The following HNRNPUL1 variants were observed in gnomAD, a reference collection of about 807,000 sequenced individuals.
HNRNPUL1 encodes heterogeneous nuclear ribonucleoprotein U like 1, also known as heterogeneous nuclear ribonucleoprotein U-like protein 1.
HNRNPUL1 carries 14 observed loss-of-function variants against 108.5 expected under a neutral mutation model. That is an observed-to-expected ratio of 0.13 (90% CI 0.09 to 0.20). The LOEUF (loss-of-function observed/expected upper bound fraction) is 0.20, where lower values mean the gene tolerates loss of function less well. Among genes scored for constraint, HNRNPUL1 ranks in the 10% least tolerant of loss-of-function variants. The pLI, the probability that HNRNPUL1 is intolerant of heterozygous loss-of-function variation, is 1.00. For missense variants in HNRNPUL1, 804 were observed against 1,168.3 expected (o/e 0.69, Z 4.55); for synonymous variants, 422 against 445.2 (o/e 0.95, Z 0.66).
At chr19:41,301,888 T>TA in intron 11 of HNRNPUL1, 184 bp downstream of exon 11, 3 of 604,760 alleles carry the variant, frequency 5.0e-6, no homozygotes, top group Non-Finnish European at 8.3e-6. Context: ...CCATCTGTCT[T>TA]ATGTTGGGGT....
chr19:41,280,454 T>G (rs1257725444), intron 6 of HNRNPUL1, among the ~76,000 whole-genome samples: 1 of 152,116 alleles, frequency 6.6e-6, no homozygotes, highest in Admixed American at 6.5e-5. Context: ...GACTCATAAG[T>G]CATCTCATCT....
chr19:41,280,117 TTAAAAA>T (rs1412981287), intron 6 of HNRNPUL1, among the ~76,000 whole-genome samples: 1 of 152,194 alleles, frequency 6.6e-6, no homozygotes, highest in Non-Finnish European at 1.5e-5. Context: ...AGACTAATCT[TTAAAAA>T]TAGATGATAT....
In HNRNPUL1 at chr19:41,286,078, T is replaced by C. The variant is rs2036204904; in HGVS notation, c.999+4803T>C. Among the ~76,000 whole-genome samples, 3 of 150,946 alleles carry C rather than the reference T, an allele frequency of 2.0e-5. No homozygotes were observed. The South Asian group carries it at 6.3e-4, about 32-fold the overall frequency. ...GTCCCAGCTACTCAGGAGACTGAGG[T>C]GAGAAAAAAAAAAAATTAATAGCCT... On this transcript the variant is annotated intron_variant, in intron 7 of 14. Coordinates refer to ENST00000392006, the MANE Select transcript of HNRNPUL1 (RefSeq NM_007040.6).
chr19:41,291,095 T>C (rs532597037), intron 7 of HNRNPUL1, among the ~76,000 whole-genome samples: 1 of 152,132 alleles, frequency 6.6e-6, no homozygotes, highest in Non-Finnish European at 1.5e-5. Flanking sequence ...ATTCAATAAG[T>C]AGTTGTTACA....
chr19:41,276,034 C>T (rs527912083), intron 4 of HNRNPUL1, 125 bp from the exon 5 acceptor site: 315 of 1,177,598 alleles, frequency 2.7e-4, no homozygotes, highest in Admixed American at 7.2e-4. Flanking sequence ...ACCCGGGAGG[C>T]GGAGGTTGCG....
rs767159140 is a variant in HNRNPUL1, at chr19:41,302,812, G to A, written c.1835G>A (p.Arg612Gln). ...CCCCCTGAAAAGCGCTTTGACAACC[G>A]AGGTGGTGGTGGCTTCCGGGGCCGC... ...GPPPEKRFDNRGGGGFRGRGG... is the reference protein window; with the variant it reads ...GPPPEKRFDNQGGGGFRGRGG... Residue 612 changes from arginine (R) to glutamine (Q), a missense_variant, in exon 12 of 15, where the codon CGA becomes CAA. This residue lies in a region of HNRNPUL1 where 294 missense variants were observed against 388.3 expected (regional missense o/e 0.76). Transcript: ENST00000392006. 19 of 1,606,566 alleles carry A rather than the reference G, an allele frequency of 1.2e-5. No homozygotes were observed. Among genetic ancestry groups the A allele is most frequent in the Admixed American group, 1.7e-5 (1 of 59,628 alleles).
chr19:41,307,293 CTT>C lies in HNRNPUL1; in HGVS notation c.*730_*731del, dbSNP rs959720772. ...TATACGATGCCCCAGTTCCCCATAA[CTT>C]TGCACACAAGCTTCTGTGTTCAGTT... On this transcript the variant is annotated 3_prime_UTR_variant, in exon 15 of 15. Coordinates refer to ENST00000392006, the MANE Select transcript of HNRNPUL1 (RefSeq NM_007040.6). The C allele has an allele frequency of 3.9e-5, 6 of 152,642 alleles. No individual in the cohort carries two copies. Among genetic ancestry groups the C allele is most frequent in the African/African-American group, 1.4e-4 (6 of 41,454 alleles). The allele number at this position is 152,642 out of a possible 1,614,324, so 9.5% of individuals were successfully genotyped here. A position where few individuals can be genotyped will look rare whatever the true frequency, so the allele number is the denominator to read the frequency against.
In HNRNPUL1 at chr19:41,264,641, GGAGCTC is replaced by G; in HGVS notation, c.141_146del (p.Glu47_Leu48del). The G allele has an allele frequency of 6.3e-7, 1 of 1,585,430 alleles. No homozygotes were observed. The highest frequency in any genetic ancestry group is 8.5e-7 in the Non-Finnish European group (1 of 1,173,488). On this transcript the variant is annotated inframe_deletion, in exon 1 of 15. Coordinates refer to ENST00000392006, the MANE Select transcript of HNRNPUL1 (RefSeq NM_007040.6). ...AGGCCGAGGAGCCTGACGACGAGCG[GGAGCTC>G]GACGCCGACGACGAACCGGGGCGAC...
intron 3 of HNRNPUL1, 42 bp from the exon 4 acceptor site, chr19:41,273,940 A>G: frequency 2.0e-6 from 3 of 1,468,510 alleles, no homozygotes; most frequent in Non-Finnish European, 1.9e-6. Flanking sequence ...CTTTGTGCTC[A>G]TCCATTGTTC....
intron 1 of HNRNPUL1, among the ~76,000 whole-genome samples, chr19:41,266,345 A>G (rs1190334811): frequency 6.6e-6 from 1 of 152,050 alleles, no homozygotes; most frequent in East Asian, 1.9e-4. Flanking sequence ...AGGCAGGAGA[A>G]TCGCTTGAAC....
upstream of HNRNPUL1, among the ~76,000 whole-genome samples, chr19:41,263,760 G>A (rs1240711678): frequency 6.6e-6 from 1 of 152,208 alleles, no homozygotes; most frequent in African/African-American, 2.4e-5. Context: ...CCTAAAATGA[G>A]CCATCGCTAC....
intron 11 of HNRNPUL1, among the ~76,000 whole-genome samples, chr19:41,302,213 T>TC (rs1280755563): frequency 5.9e-5 from 8 of 136,092 alleles, no homozygotes; most frequent in African/African-American, 2.0e-4. Flanking sequence ...TCTCTCTCTC[T>TC]GTTTTTTTTT....
In HNRNPUL1 at chr19:41,302,693, C is replaced by G. The variant is rs755976102; in HGVS notation, c.1716C>G (p.Asp572Glu). The G allele has an allele frequency of 9.9e-6, 16 of 1,614,204 alleles. No individual in the cohort carries two copies. The South Asian group carries it at 1.4e-4, about 14-fold the overall frequency. Residue 572 changes from aspartate (D) to glutamate (E), a missense_variant, in exon 12 of 15, where the codon GAC (aspartate) becomes GAG (glutamate). By Grantham distance (45) the Asp-to-Glu change is conservative. Transcript: ENST00000392006. The part of the protein sequence containing the change: ...KANFTLPDVG[D>E]FLDEVLFIEL... ...ACTTCACGTTGCCAGATGTTGGGGA[C>G]TTCCTGGATGAGGTTCTGTTCATTG... is the stretch of plus-strand genomic sequence containing the variant.
intron 10 of HNRNPUL1, among the ~76,000 whole-genome samples, chr19:41,297,403 G>A (rs948314162): frequency 2.0e-5 from 3 of 152,190 alleles, no homozygotes; most frequent in African/African-American, 4.8e-5. Flanking sequence ...TTCATCCGGA[G>A]GAATGTGGAT....
At chr19:41,278,650 T>C (rs1447848127) in intron 5 of HNRNPUL1, among the ~76,000 whole-genome samples, 2 of 152,024 alleles carry the variant, frequency 1.3e-5, no homozygotes, top group Non-Finnish European at 2.9e-5. Flanking sequence ...GGTCTTGCTA[T>C]GTTGGCCAGG....
intron 13 of HNRNPUL1, among the ~76,000 whole-genome samples, chr19:41,304,538 T>A (rs2037433258): frequency 6.6e-6 from 1 of 152,216 alleles, no homozygotes; most frequent in Non-Finnish European, 1.5e-5. Context: ...TAAGCACTGA[T>A]CCCTCCAGCA....
At position 41,305,821 on chromosome 19, in the gene HNRNPUL1, C is replaced by A. The variant is rs2037511116; in HGVS notation, c.2408C>A (p.Pro803His). 1.2e-6 allele frequency: 2 copies of A among 1,610,698 alleles called. No homozygotes were observed. The highest frequency in any genetic ancestry group is 1.7e-5 in the Admixed American group (1 of 59,972). The change falls in exon 14 of 15, where the codon CCC becomes CAC. Residue 803 changes from proline to histidine, a missense_variant. By Grantham distance (77) the Pro-to-His change is moderately conservative. This residue lies in a region of HNRNPUL1 where 294 missense variants were observed against 388.3 expected (regional missense o/e 0.76). Transcript: ENST00000392006. ...NPAPYTPPPP[P>H]TAQTYPQPSY... The stretch of plus-strand genomic sequence containing the variant: ...GCCCCCTATACCCCACCGCCACCCC[C>A]CACTGCACAGACCTACCCTCAGCCC...
chr19:41,284,574 G>T (rs748978477), intron 7 of HNRNPUL1, among the ~76,000 whole-genome samples: 16 of 152,136 alleles, frequency 1.1e-4, no homozygotes, highest in African/African-American at 3.9e-4. Flanking sequence ...GCTGAGGATC[G>T]CTTGAGCCCA....
intron 14 of HNRNPUL1, among the ~76,000 whole-genome samples, chr19:41,306,185 A>G (rs914001783): frequency 2.0e-5 from 3 of 152,104 alleles, no homozygotes; most frequent in Non-Finnish European, 4.4e-5. Context: ...AGGCCCCCAT[A>G]CCTGTTACTA....
Sources: allele counts gnomAD v4.1 joint callset (sites outside exome capture counted in the v4.1 genomes callset), GRCh38; gene constraint gnomAD v4.1.1; regional missense constraint gnomAD v4.1.1; transcripts MANE v1.5; gene names NCBI Gene and HGNC (gene_info 2026-07-23, HGNC 2026-07-21).